STOX2: variants seen among roughly 807,000 people sequenced by gnomAD.
The protein encoded by STOX2 is storkhead box 2.
A neutral mutation model predicts 60.9 loss-of-function variants in STOX2; 28 were observed. That is an observed-to-expected ratio of 0.46 (90% CI 0.34 to 0.63). STOX2 has a LOEUF of 0.63. Ranked by LOEUF, STOX2 falls within the 30% of genes least tolerant of loss-of-function variation. The pLI, the probability that STOX2 is intolerant of heterozygous loss-of-function variation, is 0.01. For synonymous variants in STOX2, 472 were observed against 463.9 expected (o/e 1.02, Z -0.22); for missense variants, 1,024 against 1,187.7 (o/e 0.86, Z 2.03).
chr4:183,831,162 G>C (rs907570997), intron 1 of STOX2, among the ~76,000 whole-genome samples: 5 of 152,058 alleles, frequency 3.3e-5, no homozygotes, highest in African/African-American at 1.2e-4. Flanking sequence ...AGATTTCAGT[G>C]AGAGTTGTTT....
intron 1 of STOX2, among the ~76,000 whole-genome samples, chr4:183,936,181 A>C (rs1238603062): frequency 2.0e-5 from 3 of 152,048 alleles, no homozygotes; most frequent in Non-Finnish European, 2.9e-5. Flanking sequence ...GTACTTCTGC[A>C]GTCTTCCTCC....
intron 1 of STOX2, among the ~76,000 whole-genome samples, chr4:183,989,643 T>G (rs1733012839): frequency 6.6e-6 from 1 of 152,246 alleles, no homozygotes; most frequent in South Asian, 2.1e-4. Context: ...AACATCATAT[T>G]GAGGCTGCTG....
At chr4:183,953,875 T>C (rs1743167250) in intron 1 of STOX2, among the ~76,000 whole-genome samples, 2 of 152,082 alleles carry the variant, frequency 1.3e-5, no homozygotes, top group African/African-American at 4.8e-5. Flanking sequence ...CTTACACCCA[T>C]TTTATAGACA....
At chr4:183,938,908 G>A (rs1056360937) in intron 1 of STOX2, among the ~76,000 whole-genome samples, 2 of 151,914 alleles carry the variant, frequency 1.3e-5, no homozygotes, top group East Asian at 3.9e-4. Flanking sequence ...TCTTTTAATA[G>A]CCTGCTAATG....
intron 1 of STOX2, among the ~76,000 whole-genome samples, chr4:183,809,870 ATGTTTTAAGTGC>A (rs1410749979): frequency 6.6e-6 from 1 of 152,218 alleles, no homozygotes; most frequent in East Asian, 1.9e-4. Flanking sequence ...TTTTGATAAA[ATGTTTTAAGTGC>A]TGTTTCCCTC....
In STOX2 at chr4:184,021,146, A is replaced by C. The variant is rs1003297638; in HGVS notation, c.*3862A>C. The stretch of plus-strand genomic sequence containing the variant: ...TATTTGGAGCTTCATTTAAAAACCA[A>C]CAACAACCGATAATGACTTTGCACG... On this transcript the variant is annotated 3_prime_UTR_variant, in exon 4 of 4. Transcript: ENST00000308497. 6.6e-6 allele frequency: 1 copy of C among 152,250 alleles called. No homozygotes were observed. Among genetic ancestry groups the C allele is most frequent in the Non-Finnish European group, 1.5e-5 (1 of 68,044 alleles). The allele number at this position is 152,250 out of a possible 1,614,324, so 9.4% of individuals were successfully genotyped here.
intron 1 of STOX2, among the ~76,000 whole-genome samples, chr4:183,915,169 C>T (rs777470823): frequency 1.3e-4 from 20 of 152,308 alleles, no homozygotes; most frequent in Middle Eastern, 6.8e-3. Context: ...TTGGCAGATG[C>T]CTGTGGGCAG....
intron 1 of STOX2, among the ~76,000 whole-genome samples, chr4:183,935,821 A>G (rs967361800): frequency 6.6e-6 from 1 of 152,204 alleles, no homozygotes; most frequent in Non-Finnish European, 1.5e-5. Flanking sequence ...TCTCATGCAG[A>G]GATTTCTAGT....
At chr4:183,984,880 T>A (rs951569944) in intron 1 of STOX2, among the ~76,000 whole-genome samples, 9 of 152,188 alleles carry the variant, frequency 5.9e-5, no homozygotes, top group African/African-American at 1.7e-4. Context: ...CTGCTAATGA[T>A]GGCTGCATGT....
rs149675370 is a variant in STOX2, at chr4:183,913,499, G to T, written c.166+6543G>T. On this transcript the variant is annotated intron_variant, in intron 1 of 3. Coordinates refer to ENST00000308497, the MANE Select transcript of STOX2 (RefSeq NM_020225.3). ...TAGAACAGTGTGTCCTGGGCCAGGC[G>T]TGGTGGTTCGCGCCTATAATCCCAG... Among the ~76,000 whole-genome samples the T allele has an allele frequency of 9.4e-4, 143 of 152,230 alleles. 1 individual carries two copies. The highest frequency in any genetic ancestry group is 3.3e-3 in the African/African-American group (137 of 41,536).
intron 1 of STOX2, among the ~76,000 whole-genome samples, chr4:183,941,459 T>C (rs558433318): frequency 2.6e-4 from 39 of 152,180 alleles, no homozygotes; most frequent in South Asian, 6.2e-4. Flanking sequence ...TCCCAGCTAC[T>C]TGGGAGGCTG....
chr4:183,859,389 G>A (rs1015488438), intron 1 of STOX2, among the ~76,000 whole-genome samples: 1 of 152,232 alleles, frequency 6.6e-6, no homozygotes, highest in African/African-American at 2.4e-5. Flanking sequence ...TGTCCATCGG[G>A]TGACATTGGA....
intron 1 of STOX2, among the ~76,000 whole-genome samples, chr4:183,849,443 A>G: frequency 6.6e-6 from 1 of 152,206 alleles, no homozygotes; most frequent in East Asian, 1.9e-4. Flanking sequence ...AGAAGGAAGG[A>G]TGTAGCTTCG....
At chr4:183,894,446 T>C (rs1741296702) in intron 1 of STOX2, among the ~76,000 whole-genome samples, 1 of 152,198 alleles carries the variant, frequency 6.6e-6, no homozygotes, top group Non-Finnish European at 1.5e-5. Flanking sequence ...ATATTAGCAT[T>C]AGAAATGTTA....
intron 1 of STOX2, among the ~76,000 whole-genome samples, chr4:183,914,973 A>C (rs747778281): frequency 7.2e-5 from 11 of 152,214 alleles, no homozygotes; most frequent in Non-Finnish European, 1.3e-4. Flanking sequence ...AAGTAGCCGC[A>C]CAAAAGACTA....
chr4:183,890,536 A>AGGAAGGAGAGATGGAGGGAGGGAG (rs1741184523), intron 1 of STOX2, among the ~76,000 whole-genome samples: 1 of 122,524 alleles, frequency 8.2e-6, no homozygotes, highest in Admixed American at 9.3e-5. Flanking sequence ...AAAGGAGGGA[A>AGGAAGGAGAGATGGAGGGAGGGAG]GGAAGGAGAG....
At chr4:184,007,045 A>AAAAAAAAC (rs1553987519) in intron 2 of STOX2, among the ~76,000 whole-genome samples, 13 of 118,468 alleles carry the variant, frequency 1.1e-4, no homozygotes, top group African/African-American at 4.1e-4. Flanking sequence ...AAACAAAAAA[A>AAAAAAAAC]AAATTTTGTT....
At chr4:183,958,391 A>G (rs193288942) in intron 1 of STOX2, among the ~76,000 whole-genome samples, 30 of 152,266 alleles carry the variant, frequency 2.0e-4, no homozygotes, top group Admixed American at 1.3e-3. Context: ...ATAAAATACC[A>G]TATATATAAA....
At chr4:183,979,614 T>C (rs570786233) in intron 1 of STOX2, among the ~76,000 whole-genome samples, 1 of 152,298 alleles carries the variant, frequency 6.6e-6, no homozygotes, top group African/African-American at 2.4e-5. Context: ...TTAAATGTTA[T>C]TAGGAACTAA....
Sources: allele counts gnomAD v4.1 joint callset (sites outside exome capture counted in the v4.1 genomes callset), GRCh38; gene constraint gnomAD v4.1.1; transcripts MANE v1.5; gene names NCBI Gene and HGNC (gene_info 2026-07-23, HGNC 2026-07-21).